Variants in ZNF345 observed in about 807,000 individuals in gnomAD.
ZNF345 encodes zinc finger protein 345.
For synonymous variants in ZNF345, 166 were observed against 187.9 expected (o/e 0.88, Z 0.95); for missense variants, 527 against 589.9 (o/e 0.89, Z 1.10).
At chr19:36,869,364 G>A (rs2072728916) in intron 2 of ZNF345, among the ~76,000 whole-genome samples, 1 of 152,176 alleles carries the variant, frequency 6.6e-6, no homozygotes, top group African/African-American at 2.4e-5. Flanking sequence ...CCCTTTCCTG[G>A]TGAAAGCAGG....
intron 2 of ZNF345, among the ~76,000 whole-genome samples, chr19:36,859,939 C>T (rs545145295): frequency 4.0e-4 from 60 of 151,764 alleles, no homozygotes; most frequent in African/African-American, 1.4e-3. Flanking sequence ...CCATTTAAGA[C>T]TAAGTTGCAG....
chr19:36,889,166 A>G (rs1014491809), intron 3 of ZNF345: 21 of 152,234 alleles, frequency 1.4e-4, no homozygotes, highest in African/African-American at 4.1e-4. Context: ...TGCTGTTACT[A>G]TCTTTTTTAT....
chr19:36,879,098 C>T lies in ZNF345; in HGVS notation c.*801C>T, dbSNP rs774171376. The T allele has an allele frequency of 4.2e-5, 7 of 166,778 alleles. No homozygotes were observed. Among genetic ancestry groups the T allele is most frequent in the Non-Finnish European group, 7.3e-5 (5 of 68,106 alleles). The allele number at this position is 166,778 out of a possible 1,614,324, so 10.3% of individuals were successfully genotyped here. A position where few individuals can be genotyped will look rare whatever the true frequency, so the allele number is the denominator to read the frequency against. ...TGATCCATCTGCCTCGGCCTCCCAACGTGCTGGAATTACAGGCATGAGCCA... is the reference window on the plus strand; with the variant it reads ...TGATCCATCTGCCTCGGCCTCCCAATGTGCTGGAATTACAGGCATGAGCCA... On this transcript the variant is annotated 3_prime_UTR_variant, in exon 3 of 3. Coordinates refer to ENST00000420450, the MANE Select transcript of ZNF345 (RefSeq NM_001242472.2).
chr19:36,876,708 CT>C, intron 2 of ZNF345, 76 bp from the exon 3 acceptor site: 1 of 969,724 alleles, frequency 1.0e-6, no homozygotes, highest in Non-Finnish European at 1.5e-6. Flanking sequence ...GTAGTTAAGT[CT>C]TTCGTATCTA....
chr19:36,864,862 G>A (rs2072625778), intron 2 of ZNF345, among the ~76,000 whole-genome samples: 1 of 152,162 alleles, frequency 6.6e-6, no homozygotes, highest in Non-Finnish European at 1.5e-5. Flanking sequence ...TGTGCCATAA[G>A]TGCCTCACTT....
chr19:36,876,714 T>A, intron 2 of ZNF345, 71 bp from the exon 3 acceptor site: 1 of 1,012,888 alleles, frequency 9.9e-7, no homozygotes, highest in East Asian at 2.5e-5. Flanking sequence ...AAGTCTTTCG[T>A]ATCTATTATA....
At chr19:36,874,506 G>GC (rs2072842079) in intron 2 of ZNF345, among the ~76,000 whole-genome samples, 1 of 103,082 alleles carries the variant, frequency 9.7e-6, no homozygotes. Context: ...AAAAAAAAAA[G>GC]GGGGGTGGGG....
intron 2 of ZNF345, among the ~76,000 whole-genome samples, chr19:36,876,298 C>A (rs1300870448): frequency 6.6e-6 from 1 of 152,096 alleles, no homozygotes; most frequent in African/African-American, 2.4e-5. Context: ...AGTTTATATG[C>A]AAATTATGTT....
At chr19:36,857,276 T>G (rs1020260940) in intron 2 of ZNF345, among the ~76,000 whole-genome samples, 4 of 152,002 alleles carry the variant, frequency 2.6e-5, no homozygotes, top group Non-Finnish European at 5.9e-5. Context: ...TATACATAAT[T>G]AATGAATATA....
chr19:36,882,606 T>G (rs550161890), downstream of ZNF345, among the ~76,000 whole-genome samples: 37 of 152,268 alleles, frequency 2.4e-4, no homozygotes, highest in African/African-American at 8.9e-4. Flanking sequence ...TAATTATTAT[T>G]TTAATCTTGA....
chr19:36,882,331 G>T (rs1181931805), downstream of ZNF345, among the ~76,000 whole-genome samples: 1 of 151,896 alleles, frequency 6.6e-6, no homozygotes, highest in Non-Finnish European at 1.5e-5. Flanking sequence ...GCAGTGGCGT[G>T]ATCTCGGCTC....
chr19:36,871,323 G>A (rs369815110), intron 2 of ZNF345, among the ~76,000 whole-genome samples: 2 of 152,148 alleles, frequency 1.3e-5, no homozygotes, highest in Non-Finnish European at 1.5e-5. Context: ...TCATTTGGGG[G>A]TTGGGAGGAC....
intron 2 of ZNF345, among the ~76,000 whole-genome samples, chr19:36,864,798 A>C (rs2072624562): frequency 6.6e-6 from 1 of 152,120 alleles, no homozygotes; most frequent in Non-Finnish European, 1.5e-5. Flanking sequence ...TAAGACAGTC[A>C]TCGTCAGGGT....
At chr19:36,861,706 G>A (rs2072550588) in intron 2 of ZNF345, among the ~76,000 whole-genome samples, 1 of 151,914 alleles carries the variant, frequency 6.6e-6, no homozygotes, top group Non-Finnish European at 1.5e-5. Flanking sequence ...GACTACAGGT[G>A]TGCACCACCA....
intron 2 of ZNF345, among the ~76,000 whole-genome samples, chr19:36,861,161 T>C (rs1411576794): frequency 6.6e-6 from 1 of 152,228 alleles, no homozygotes; most frequent in Non-Finnish European, 1.5e-5. Flanking sequence ...GGCTGGCTTC[T>C]GTGTTCCTTT....
At chr19:36,859,462 GT>G (rs1568351668) in intron 2 of ZNF345, among the ~76,000 whole-genome samples, 2 of 150,658 alleles carry the variant, frequency 1.3e-5, no homozygotes, top group Non-Finnish European at 3.0e-5. Context: ...AGACTTTTAT[GT>G]TTTATTTTTA....
chr19:36,870,629 T>C (rs1196778981), intron 2 of ZNF345, among the ~76,000 whole-genome samples: 1 of 152,192 alleles, frequency 6.6e-6, no homozygotes, highest in South Asian at 2.1e-4. Context: ...ACATTAAAAA[T>C]ATTTTTCCTC....
chr19:36,889,181 T>C (rs1214907782), intron 3 of ZNF345: 2 of 152,188 alleles, frequency 1.3e-5, no homozygotes, highest in Non-Finnish European at 2.9e-5. Flanking sequence ...TTTTATGTAC[T>C]GTTTGATTTG....
At chr19:36,852,128 CTTTTT>C (rs35747733) in intron 2 of ZNF345, among the ~76,000 whole-genome samples, 2 of 102,704 alleles carry the variant, frequency 1.9e-5, no homozygotes, top group Admixed American at 1.1e-4. Flanking sequence ...TTCTTTCTTT[CTTTTT>C]TTTTTTTTTT....
Sources: allele counts gnomAD v4.1 joint callset (sites outside exome capture counted in the v4.1 genomes callset), GRCh38; gene constraint gnomAD v4.1.1; transcripts MANE v1.5; gene names NCBI Gene and HGNC (gene_info 2026-07-23, HGNC 2026-07-21).